Variants in RGL1 observed in about 807,000 individuals in gnomAD.
RGL1 encodes ral guanine nucleotide dissociation stimulator like 1, also known as ral guanine nucleotide dissociation stimulator-like 1.
Under a neutral mutation model 95.2 loss-of-function variants are expected in RGL1, and 24 were observed. The ratio of observed to expected loss-of-function variants is 0.25; its 90% CI spans 0.18 to 0.35. The LOEUF (loss-of-function observed/expected upper bound fraction) is 0.35, where lower values mean the gene tolerates loss of function less well. RGL1 is among the 10% of genes least tolerant of loss of function. RGL1 has a pLI of 1.00. For synonymous variants in RGL1, 329 were observed against 344.9 expected, an observed-to-expected ratio of 0.95 and a Z score of 0.51; for missense variants, 715 against 936.3, an observed-to-expected ratio of 0.76 and a Z score of 3.08.
intron 1 of RGL1, among the ~76,000 whole-genome samples, chr1:183,662,743 C>T (rs946588118): frequency 3.9e-5 from 6 of 152,056 alleles, no homozygotes; most frequent in Admixed American, 6.6e-5. Context: ...AAAAAGAGCC[C>T]GCATTGCCAA....
intron 2 of RGL1, among the ~76,000 whole-genome samples, chr1:183,832,943 T>G (rs1663364112): frequency 6.6e-6 from 1 of 152,024 alleles, no homozygotes; most frequent in Non-Finnish European, 1.5e-5. Context: ...CTAAAACATT[T>G]CCATAGGATT....
In RGL1 at chr1:183,923,742, G is replaced by A. The variant is rs552307366; in HGVS notation, c.2119+1406G>A. ...ACACTAAGTGATATATAACTGTGAG[G>A]ACTATTATTACTGACCTGTGAGTAT... is the stretch of plus-strand genomic sequence containing the variant. On this transcript the variant is annotated intron_variant, in intron 17 of 17. Coordinates refer to ENST00000360851, the MANE Select transcript of RGL1 (RefSeq NM_001297671.3). Among the ~76,000 whole-genome samples the A allele has an allele frequency of 2.0e-5, 3 of 152,288 alleles. No individual in the cohort carries two copies. In the East Asian group the frequency reaches 5.8e-4, roughly 29 times the overall value.
intron 2 of RGL1, among the ~76,000 whole-genome samples, chr1:183,847,194 A>T (rs1350892327): frequency 6.6e-6 from 1 of 152,190 alleles, no homozygotes; most frequent in Non-Finnish European, 1.5e-5. Context: ...CACACCTATA[A>T]TCCCAGCATT....
chr1:183,644,786 A>G (rs1572214041), intron 1 of RGL1, among the ~76,000 whole-genome samples: 1 of 152,248 alleles, frequency 6.6e-6, no homozygotes, highest in South Asian at 2.1e-4. Flanking sequence ...ACGGCAGTTT[A>G]AAGAAATAGG....
intron 4 of RGL1, among the ~76,000 whole-genome samples, chr1:183,873,333 G>A (rs565215655): frequency 1.2e-3 from 184 of 152,278 alleles, no homozygotes; most frequent in African/African-American, 3.9e-3. Flanking sequence ...TACAATTTGT[G>A]GTATGCTTAC....
rs565545386 is a variant in RGL1, at chr1:183,851,011, C to T, written c.347+3237C>T. On this transcript the variant is annotated intron_variant, in intron 3 of 17. Coordinates refer to ENST00000360851, the MANE Select transcript of RGL1 (RefSeq NM_001297671.3). ...GAACTGGAGTGTTTAGTCTATGACT[C>T]ATGTACATCCAGATTTTGATATTTT... Among the ~76,000 whole-genome samples the T allele has an allele frequency of 2.6e-5, 4 of 152,278 alleles. No individual in the cohort carries two copies. In the East Asian group the frequency reaches 7.7e-4, roughly 29 times the overall value.
In RGL1 at chr1:183,916,478, T is replaced by C. The variant is rs572310604; in HGVS notation, c.1781T>C (p.Ile594Thr). 17 of 1,614,096 alleles carry C rather than the reference T, an allele frequency of 1.1e-5. No homozygotes were observed. The African/African-American group carries it at 2.0e-4, about 19-fold the overall frequency. Residue 594 changes from isoleucine to threonine, a missense_variant, in exon 16 of 18, where the codon ATC becomes ACC. Ile to Thr is a moderately conservative substitution (Grantham distance 89). Around this residue, in one of 3 missense-constraint regions of RGL1, gnomAD observed 330 missense variants for 429.6 expected, o/e 0.77. Coordinates refer to ENST00000360851, the MANE Select transcript of RGL1 (RefSeq NM_001297671.3). ...GAGTCCTCCTCATCCTGTTCTTCTA[T>C]CCATTCCATGGACACAAATTCCTCA... Reference protein sequence around the residue: ...LSESSSSCSSIHSMDTNSSGM... With the variant: ...LSESSSSCSSTHSMDTNSSGM...
At chr1:183,909,775 C>T (rs1668540394) in intron 14 of RGL1, among the ~76,000 whole-genome samples, 1 of 152,084 alleles carries the variant, frequency 6.6e-6, no homozygotes, top group Admixed American at 6.5e-5. Context: ...AGGTTCAGCC[C>T]ACGTGCTAGT....
intron 1 of RGL1, among the ~76,000 whole-genome samples, chr1:183,680,180 A>G (rs1315790549): frequency 6.6e-6 from 1 of 151,914 alleles, no homozygotes; most frequent in Non-Finnish European, 1.5e-5. Flanking sequence ...TGTTCACTCC[A>G]ATGATAGTTT....
intron 1 of RGL1, chr1:183,710,368 G>A (rs1373894122): frequency 6.5e-6 from 1 of 153,398 alleles, no homozygotes; most frequent in Non-Finnish European, 1.5e-5. Flanking sequence ...GGAGGGTAAG[G>A]ACGGAGATCT....
At chr1:183,850,890 G>T (rs746128732) in intron 3 of RGL1, among the ~76,000 whole-genome samples, 28 of 152,270 alleles carry the variant, frequency 1.8e-4, no homozygotes, top group Admixed American at 4.6e-4. Context: ...TATTTATGGG[G>T]TGACTATTGA....
chr1:183,834,872 A>C (rs955771260), intron 2 of RGL1, among the ~76,000 whole-genome samples: 2 of 151,772 alleles, frequency 1.3e-5, no homozygotes, highest in Admixed American at 6.6e-5. Context: ...TTTTACAAAC[A>C]GGGTCTCACT....
chr1:183,674,408 G>A (rs983887639), intron 1 of RGL1, among the ~76,000 whole-genome samples: 3 of 152,060 alleles, frequency 2.0e-5, no homozygotes, highest in African/African-American at 7.2e-5. Context: ...CTTAATTCAT[G>A]TATAGCCATC....
chr1:183,733,126 A>T (rs1052637542), intron 1 of RGL1, among the ~76,000 whole-genome samples: 2 of 151,484 alleles, frequency 1.3e-5, no homozygotes, highest in African/African-American at 4.8e-5. Flanking sequence ...ATGGAAACAA[A>T]TTTTTTTTTA....
intron 1 of RGL1, among the ~76,000 whole-genome samples, chr1:183,664,909 C>G (rs1160451106): frequency 6.6e-6 from 1 of 152,006 alleles, no homozygotes; most frequent in Non-Finnish European, 1.5e-5. Context: ...CTAGGATTTC[C>G]AGTACAATGT....
chr1:183,643,231 G>T (rs1398683538), intron 1 of RGL1, among the ~76,000 whole-genome samples: 1 of 151,452 alleles, frequency 6.6e-6, no homozygotes, highest in African/African-American at 2.4e-5. Flanking sequence ...TATAAACATG[G>T]GTGTAGAACT....
At chr1:183,897,781 C>G (rs1240502684) in intron 9 of RGL1, 27 bp from the exon 10 acceptor site, 1 of 1,553,454 alleles carries the variant, frequency 6.4e-7, no homozygotes, top group African/African-American at 1.4e-5. Flanking sequence ...TGTATCAATT[C>G]CCTCTGTGTG....
At chr1:183,769,068 C>G (rs1659144215) in intron 2 of RGL1, among the ~76,000 whole-genome samples, 1 of 152,114 alleles carries the variant, frequency 6.6e-6, no homozygotes, top group Non-Finnish European at 1.5e-5. Flanking sequence ...CTATTTCATT[C>G]AGTTTTTTCA....
chr1:183,805,128 A>C lies in RGL1; in HGVS notation c.-170A>C. 1.2e-6 allele frequency: 1 copy of C among 802,314 alleles called. No individual in the cohort carries two copies. Among genetic ancestry groups the C allele is most frequent in the Non-Finnish European group, 1.7e-6 (1 of 581,672 alleles). 49.7% of individuals were successfully genotyped at this position (802,314 alleles called of 1,614,324 possible). On this transcript the variant is annotated 5_prime_UTR_variant, in exon 1 of 18. Transcript: ENST00000360851. ...CTCGCCGCGCTCCCTTTGTGGCCCG[A>C]GTCGCGCGCACCGGCGGCGGCGGGG...
Sources: gnomAD v4.1 joint callset for allele counts (sites outside exome capture counted in the v4.1 genomes callset) on GRCh38, gnomAD v4.1.1 for gene constraint, gnomAD v4.1.1 regional missense constraint, MANE v1.5 for transcripts, NCBI Gene and HGNC (gene_info 2026-07-23, HGNC 2026-07-21) for gene names.